Variants in CPAMD8 observed in about 807,000 individuals in gnomAD.
The protein encoded by CPAMD8 is C3 and PZP-like alpha-2-macroglobulin domain-containing protein 8.
CPAMD8 carries 146 observed loss-of-function variants against 224.7 expected under a neutral mutation model. The ratio of observed to expected loss-of-function variants is 0.65; its 90% CI spans 0.57 to 0.75. The LOEUF (loss-of-function observed/expected upper bound fraction) is 0.75. Among genes scored for constraint, CPAMD8 ranks in the 30% least tolerant of loss-of-function variants. CPAMD8 has a pLI of 0.00. For synonymous variants in CPAMD8, 966 were observed against 1,044.6 expected (o/e 0.92, Z 1.45); for missense variants, 2,301 against 2,537.5 (o/e 0.91, Z 2.00).
At chr19:16,928,437 C>A (rs1401766966) in intron 24 of CPAMD8, among the ~76,000 whole-genome samples, 1 of 152,226 alleles carries the variant, frequency 6.6e-6, no homozygotes, top group Non-Finnish European at 1.5e-5. Context: ...GGCATGGCAT[C>A]TACAGGTTCC....
intron 39 of CPAMD8, chr19:16,897,345 C>T: frequency 3.3e-6 from 1 of 300,502 alleles, no homozygotes; most frequent in South Asian, 5.3e-5. Context: ...CGCCGCTCGA[C>T]CCCGCCCTCA....
intron 29 of CPAMD8, among the ~76,000 whole-genome samples, chr19:16,912,648 C>T (rs1379854955): frequency 6.6e-6 from 1 of 152,148 alleles, no homozygotes; most frequent in Non-Finnish European, 1.5e-5. Flanking sequence ...ACTCGGGAGT[C>T]TGAAGCTGCC....
intron 12 of CPAMD8, among the ~76,000 whole-genome samples, chr19:16,992,260 C>T (rs927099546): frequency 6.6e-6 from 1 of 152,092 alleles, no homozygotes; most frequent in Non-Finnish European, 1.5e-5. Context: ...TGAACCACCC[C>T]CAACTAAAGA....
At chr19:16,992,075 C>A (rs761716889) in intron 12 of CPAMD8, among the ~76,000 whole-genome samples, 1 of 151,858 alleles carries the variant, frequency 6.6e-6, no homozygotes, top group African/African-American at 2.4e-5. Flanking sequence ...CTCTGCAGGG[C>A]CGCCAGGTCC....
intron 7 of CPAMD8, among the ~76,000 whole-genome samples, chr19:17,006,795 C>T (rs562335084): frequency 6.6e-6 from 1 of 152,306 alleles, no homozygotes; most frequent in South Asian, 2.1e-4. Flanking sequence ...AGGATTGCCT[C>T]TGCCACCCCG....
rs768246146 is a variant in CPAMD8 at position 16,945,598 on chromosome 19, C to T, written c.2744G>A (p.Arg915Lys). Reference protein sequence around the residue: ...SKHPEENHADRRVPIGVDHVR... With the variant: ...SKHPEENHADKRVPIGVDHVR... The stretch of plus-strand genomic sequence containing the variant: ...GTGATCCACCCCGATGGGGACCCTC[C>T]TGTCGGCGTGATTCTCCTCAGGGTG... The change falls in exon 22 of 42, where the codon AGG becomes AAG. Residue 915 changes from arginine (R) to lysine (K), a missense_variant. Physicochemically the swap from Arg to Lys is conservative, Grantham distance 26. Around this residue, in one of 4 missense-constraint regions of CPAMD8, gnomAD observed 1,709 missense variants for 1,753.2 expected, o/e 0.97. Coordinates refer to ENST00000443236, the MANE Select transcript of CPAMD8 (RefSeq NM_015692.5). The T allele has an allele frequency of 1.2e-6, 2 of 1,614,228 alleles. No individual in the cohort carries two copies. The highest frequency in any genetic ancestry group is 2.2e-5 in the East Asian group (1 of 44,884).
chr19:16,968,495 A>T (rs1396916011), intron 18 of CPAMD8, among the ~76,000 whole-genome samples: 2 of 152,188 alleles, frequency 1.3e-5, no homozygotes, highest in African/African-American at 4.8e-5. Flanking sequence ...CATACATCAA[A>T]ATGGGCATCA....
intron 15 of CPAMD8, among the ~76,000 whole-genome samples, chr19:16,977,095 G>A (rs1181245333): frequency 2.0e-5 from 3 of 152,100 alleles, no homozygotes; most frequent in Non-Finnish European, 4.4e-5. Flanking sequence ...AGGAGGCTGA[G>A]GGTGCCAATG....
intron 13 of CPAMD8, among the ~76,000 whole-genome samples, chr19:16,988,062 G>C (rs961274134): frequency 6.6e-6 from 1 of 152,156 alleles, no homozygotes; most frequent in East Asian, 1.9e-4. Flanking sequence ...CACACCTTAT[G>C]TAATCAGAAT....
In CPAMD8 at chr19:16,993,585, A is replaced by C. The variant is rs779574305; in HGVS notation, c.1097T>G (p.Val366Gly). ...GCTGCCATCGGGGTAGGATAGCTCC[A>C]CCTAGAAAAGGTCACCCAAGACACA... Reference protein sequence around the residue: ...FKPGLAYVGKVELSYPDGSPA... With the variant: ...FKPGLAYVGKGELSYPDGSPA... The change falls in exon 12 of 42, where the codon GTG becomes GGG. Residue 366 changes from valine (V) to glycine (G), a missense_variant and splice_region_variant. Val to Gly is a moderately radical substitution (Grantham distance 109). Transcript: ENST00000443236. 97 of 1,613,962 alleles carry C rather than the reference A, an allele frequency of 6.0e-5. No homozygotes were observed. The highest frequency in any genetic ancestry group is 8.1e-5 in the Non-Finnish European group (95 of 1,179,916).
intron 8 of CPAMD8, among the ~76,000 whole-genome samples, chr19:17,003,895 C>A (rs111787128): frequency 0.027 from 4,019 of 151,550 alleles, 75 homozygotes; most frequent in South Asian, 0.065. Context: ...CCATCTTCAC[C>A]AGTTTCCTTT....
rs960961995 is a variant in CPAMD8, at chr19:17,026,710, C to A, written c.-68G>T. 24 of 1,234,162 alleles carry A rather than the reference C, an allele frequency of 1.9e-5. No individual in the cohort carries two copies. In the African/African-American group the frequency reaches 3.3e-4, roughly 17 times the overall value. The allele number at this position is 1,234,162 out of a possible 1,614,324, so 76.5% of individuals were successfully genotyped here. A position where few individuals can be genotyped will look rare whatever the true frequency, so the allele number is the denominator to read the frequency against. ...GCCAGGGCTGGGCCAGGGCCAGGGTCCGAGCGCGGCCGTCCTCGCGCCGCC... is the reference window on the plus strand; with the variant it reads ...GCCAGGGCTGGGCCAGGGCCAGGGTACGAGCGCGGCCGTCCTCGCGCCGCC... On this transcript the variant is annotated 5_prime_UTR_variant, in exon 1 of 42. Coordinates refer to ENST00000443236, the MANE Select transcript of CPAMD8 (RefSeq NM_015692.5).
rs759848196 is a variant in CPAMD8, at chr19:16,896,263, C to T, written c.5339G>A (p.Gly1780Glu). ...YGDDLASVAP[G>E]PLQQDVKLNG... ...CAGCTTCACGTCCTGCTGTAAAGGCCCCGGGGCCACAGAAGCCAGGTCATC... is the reference window on the plus strand; with the variant it reads ...CAGCTTCACGTCCTGCTGTAAAGGCTCCGGGGCCACAGAAGCCAGGTCATC... Residue 1780 changes from glycine (G) to glutamate (E), a missense_variant, in exon 41 of 42, where the codon GGG (glycine) becomes GAG (glutamate). Around this residue, in one of 4 missense-constraint regions of CPAMD8, gnomAD observed 1,709 missense variants for 1,753.2 expected, o/e 0.97. Transcript: ENST00000443236. The T allele has an allele frequency of 3.1e-6, 5 of 1,613,466 alleles. No homozygotes were observed. In the South Asian group the frequency reaches 3.3e-5, roughly 11 times the overall value.
intron 25 of CPAMD8, 97 bp downstream of exon 25, chr19:16,927,912 A>C: frequency 1.1e-6 from 1 of 886,052 alleles, no homozygotes. Context: ...CCCAAGACAC[A>C]GGTCCCCAGC....
chr19:16,907,936 C>T lies in CPAMD8; in HGVS notation c.3862-819G>A, dbSNP rs149626520. Among the ~76,000 whole-genome samples, 17 of 152,270 alleles carry T rather than the reference C, an allele frequency of 1.1e-4. No individual in the cohort carries two copies. The East Asian group carries it at 2.5e-3, about 23-fold the overall frequency. ...TTACCATTCTTGTAAGTTGGCACTC[C>T]TTTTTCCAAATGAGGTCTGGCCAGG... On this transcript the variant is annotated intron_variant, in intron 29 of 41. Coordinates refer to ENST00000443236, the MANE Select transcript of CPAMD8 (RefSeq NM_015692.5).
chr19:16,996,187 A>C (rs1047186824), intron 11 of CPAMD8, among the ~76,000 whole-genome samples: 2 of 151,166 alleles, frequency 1.3e-5, no homozygotes, highest in Admixed American at 6.6e-5. Flanking sequence ...AAAATAAAAA[A>C]ATTTGCTGGG....
At position 16,925,370 on chromosome 19, in the gene CPAMD8, C is replaced by T; in HGVS notation, c.3373G>A (p.Asp1125Asn). ...SERATASIIGDVMGPTLNHLN... is the reference protein window; with the variant it reads ...SERATASIIGNVMGPTLNHLN... ...TGGTTCAGGGTTGGCCCCATGACGTCCCCTGGTGGGAAGGAGAAGAGAGTT... is the reference window on the plus strand; with the variant it reads ...TGGTTCAGGGTTGGCCCCATGACGTTCCCTGGTGGGAAGGAGAAGAGAGTT... The change falls in exon 26 of 42, where the codon GAC becomes AAC. Residue 1125 changes from aspartate (D) to asparagine (N), a missense_variant and splice_region_variant. By Grantham distance (23) the Asp-to-Asn change is conservative. This residue lies in a region of CPAMD8 where 1,709 missense variants were observed against 1,753.2 expected (regional missense o/e 0.97). Transcript: ENST00000443236. 1 of 1,613,380 alleles carries T rather than the reference C, an allele frequency of 6.2e-7. No individual in the cohort carries two copies. Among genetic ancestry groups the T allele is most frequent in the Non-Finnish European group, 8.5e-7 (1 of 1,179,428 alleles).
chr19:16,928,299 G>A, intron 24 of CPAMD8, 65 bp from the exon 25 acceptor site: 1 of 1,340,750 alleles, frequency 7.5e-7, no homozygotes, highest in East Asian at 2.4e-5. Flanking sequence ...TCAGGTGGCA[G>A]TGACACCAGC....
At chr19:16,998,682 T>A (rs1201191693) in intron 10 of CPAMD8, among the ~76,000 whole-genome samples, 2 of 152,124 alleles carry the variant, frequency 1.3e-5, no homozygotes, top group Non-Finnish European at 2.9e-5. Context: ...CCACTCACAA[T>A]GTAACATTAT....
Sources: allele counts gnomAD v4.1 joint callset (sites outside exome capture counted in the v4.1 genomes callset), GRCh38; gene constraint gnomAD v4.1.1; regional missense constraint gnomAD v4.1.1; transcripts MANE v1.5; gene names NCBI Gene and HGNC (gene_info 2026-07-23, HGNC 2026-07-21).